Variants in CEP350 observed in about 807,000 individuals in gnomAD.
CEP350 encodes centrosome-associated protein 350.
Under a neutral mutation model 331.8 loss-of-function variants are expected in CEP350, and 126 were observed. That is an observed-to-expected ratio of 0.38 (90% CI 0.33 to 0.44). The LOEUF (loss-of-function observed/expected upper bound fraction) is 0.44, where lower values mean the gene tolerates loss of function less well. Ranked by LOEUF, CEP350 falls within the 20% of genes least tolerant of loss-of-function variation. The pLI is 1.00. For synonymous variants in CEP350, 1,200 were observed against 1,259.5 expected, an observed-to-expected ratio of 0.95 and a Z score of 1.00; for missense variants, 3,406 against 3,634.6, an observed-to-expected ratio of 0.94 and a Z score of 1.62.
chr1:179,969,889 A>G (rs1355530614), intron 1 of CEP350, among the ~76,000 whole-genome samples: 1 of 152,210 alleles, frequency 6.6e-6, no homozygotes, highest in Non-Finnish European at 1.5e-5. Context: ...CTTATGTATA[A>G]GGGAAAATTT....
chr1:180,001,701 G>A (rs541787816), intron 6 of CEP350, among the ~76,000 whole-genome samples: 94 of 152,284 alleles, frequency 6.2e-4, no homozygotes, highest in African/African-American at 2.2e-3. Flanking sequence ...CCGTATAAAC[G>A]GCAGCTTGCC....
chr1:180,052,381 TAAG>T (rs774013648), intron 22 of CEP350: 3 of 349,248 alleles, frequency 8.6e-6, no homozygotes, highest in African/African-American at 4.4e-5. Flanking sequence ...ATAAAATAAA[TAAG>T]AGCTCTTTGT....
chr1:180,053,283 T>C (rs987655347), intron 23 of CEP350, 117 bp downstream of exon 23: 27 of 529,840 alleles, frequency 5.1e-5, no homozygotes, highest in East Asian at 4.9e-4. Flanking sequence ...TTCTAAGATA[T>C]CAGTTTTATT....
chr1:180,057,099 CTT>C (rs1184545742), intron 25 of CEP350, among the ~76,000 whole-genome samples: 41 of 137,584 alleles, frequency 3.0e-4, no homozygotes, highest in African/African-American at 5.3e-4. Context: ...ACTTTTCTTT[CTT>C]TTTTTTTTTT....
rs71118426 is a variant in CEP350, at chr1:180,007,839, CGTGTGTGT to C, written c.1246+1305_1246+1312del. Among the ~76,000 whole-genome samples the C allele has an allele frequency of 5.6e-3, 787 of 140,996 alleles. 9 individuals are homozygous for C. Among genetic ancestry groups the C allele is most frequent in the African/African-American group, 0.015 (589 of 38,326 alleles). The allele number at this position is 140,996 out of a possible 152,430, so 92.5% of individuals were successfully genotyped here. On this transcript the variant is annotated intron_variant, in intron 8 of 37. Transcript: ENST00000367607. The stretch of plus-strand genomic sequence containing the variant: ...TAAAAAATTAATACATTTTATGTAT[CGTGTGTGT>C]GTGTGTGTGTGTGTGTGTGTGTGTG...
chr1:179,965,647 T>TCTTA (rs1191596406), intron 1 of CEP350, among the ~76,000 whole-genome samples: 1 of 123,284 alleles, frequency 8.1e-6, no homozygotes, highest in African/African-American at 3.0e-5. Flanking sequence ...TGAGATAGAG[T>TCTTA]CTTACTCTTG....
intron 25 of CEP350, among the ~76,000 whole-genome samples, chr1:180,061,074 G>A (rs1158453594): frequency 6.6e-6 from 1 of 152,144 alleles, no homozygotes; most frequent in Admixed American, 6.5e-5. Context: ...AAATGTAGAT[G>A]TTTATAAAGC....
chr1:180,066,577 A>G (rs974995893), intron 27 of CEP350, among the ~76,000 whole-genome samples: 1 of 152,224 alleles, frequency 6.6e-6, no homozygotes, highest in Non-Finnish European at 1.5e-5. Flanking sequence ...TTCATAACTT[A>G]AAAATACCTA....
chr1:180,022,682 T>C lies in CEP350; in HGVS notation c.3236-16T>C. 6.2e-7 allele frequency: 1 copy of C among 1,603,144 alleles called. No individual in the cohort carries two copies. Among genetic ancestry groups the C allele is most frequent in the Non-Finnish European group, 8.5e-7 (1 of 1,175,388 alleles). On this transcript the variant is annotated splice_polypyrimidine_tract_variant and intron_variant, in intron 12 of 37. Coordinates refer to ENST00000367607, the MANE Select transcript of CEP350 (RefSeq NM_014810.5). The stretch of plus-strand genomic sequence containing the variant: ...ATTTTCGTTTTTAACCATGTTTCAA[T>C]TATTACTTTTGTCAGGGTTTGAAGA...
rs866359249 is a variant in CEP350 at position 180,090,748 on chromosome 1, G to T, written c.6460G>T (p.Glu2154Ter). ...GGCAAAGAATTGGAAATCACTAACA[G>T]AGTCAGAACGTTCCAGAGGATCCCT... ...ETAKNWKSLTESERSRGSLES... is the reference protein window; with the variant it reads ...ETAKNWKSLT Residue 2154 changes from glutamate (E) to a stop codon, truncating the protein, a stop_gained, in exon 33 of 38, where the codon GAG becomes TAG. Coordinates refer to ENST00000367607, the MANE Select transcript of CEP350 (RefSeq NM_014810.5). LOFTEE classifies it high-confidence loss of function. The T allele has an allele frequency of 6.4e-7, 1 of 1,553,474 alleles. No individual in the cohort carries two copies. Among genetic ancestry groups the T allele is most frequent in the Non-Finnish European group, 8.7e-7 (1 of 1,147,792 alleles).
rs1660285619 is a variant in CEP350, at chr1:180,092,967, G to T, written c.6862G>T (p.Val2288Phe). ...EGKSDVLLKL[V>F]LEQGDSSEIL... ...TAAATCTGATGTCTTACTGAAATTA[G>T]TCCTAGAACAGGGAGATTCATCTGA... Residue 2288 changes from valine to phenylalanine, a missense_variant, in exon 34 of 38, where the codon GTC becomes TTC. Val to Phe is a conservative substitution (Grantham distance 50, BLOSUM62 -1). Transcript: ENST00000367607. 1.9e-6 allele frequency: 3 copies of T among 1,598,768 alleles called. No homozygotes were observed. Among genetic ancestry groups the T allele is most frequent in the South Asian group, 2.3e-5 (2 of 88,764 alleles).
chr1:180,043,730 TA>T (rs1656917994), intron 20 of CEP350, among the ~76,000 whole-genome samples: 1 of 151,908 alleles, frequency 6.6e-6, no homozygotes, highest in Non-Finnish European at 1.5e-5. Context: ...ATGAAGTCAT[TA>T]AAGAGATTAT....
rs1490698364 is a variant in CEP350 at position 180,020,146 on chromosome 1, C to G, written c.2372C>G (p.Pro791Arg). Reference sequence around the variant, plus strand: ...AAGAATCATAATATGGCTTCAAGGCCATTAACTTTTACACCTCAACCATAT... The same window carrying G: ...AAGAATCATAATATGGCTTCAAGGCGATTAACTTTTACACCTCAACCATAT... Reference protein sequence around the residue: ...TRKNHNMASRPLTFTPQPYVT... With the variant: ...TRKNHNMASRRLTFTPQPYVT... Residue 791 changes from proline (P) to arginine (R), a missense_variant, in exon 12 of 38, where the codon CCA becomes CGA. This residue lies in a region of CEP350 where 1,857 missense variants were observed against 1,909.2 expected (regional missense o/e 0.97). Transcript: ENST00000367607. The G allele has an allele frequency of 6.2e-7, 1 of 1,613,874 alleles. No individual in the cohort carries two copies. Among genetic ancestry groups the G allele is most frequent in the African/African-American group, 1.3e-5 (1 of 74,920 alleles).
intron 1 of CEP350, among the ~76,000 whole-genome samples, chr1:179,982,060 G>GA (rs1407768050): frequency 6.6e-6 from 1 of 152,128 alleles, no homozygotes; most frequent in East Asian, 1.9e-4. Context: ...CATGTTATCT[G>GA]AAAATCCTTT....
At chr1:180,092,574 AT>A (rs1660262294) in intron 33 of CEP350, 39 bp from the exon 34 acceptor site, 2 of 1,408,112 alleles carry the variant, frequency 1.4e-6, no homozygotes, top group African/African-American at 2.9e-5. Flanking sequence ...AAAGATAGTG[AT>A]TAAATAATTT....
chr1:180,087,249 A>T (rs1659921551), intron 31 of CEP350: 1 of 167,292 alleles, frequency 6.0e-6, no homozygotes, highest in Admixed American at 6.2e-5. Flanking sequence ...GTAATAGTAC[A>T]CTCTTTAGAG....
chr1:180,039,634 T>C lies in CEP350; in HGVS notation c.4111-1504T>C, dbSNP rs1656625554. 2.0e-5 allele frequency among the ~76,000 whole-genome samples: 3 copies of C among 152,202 alleles called. No homozygotes were observed. In the South Asian group the frequency reaches 6.2e-4, roughly 31 times the overall value. On this transcript the variant is annotated intron_variant, in intron 17 of 37. Transcript: ENST00000367607. ...CATTAATCTATTCATCTATCTGTAA[T>C]GTCAGTACCATATTGTCTTTATTAC... is the stretch of plus-strand genomic sequence containing the variant.
At chr1:180,009,781 G>T (rs1330401567) in intron 8 of CEP350, among the ~76,000 whole-genome samples, 1 of 151,988 alleles carries the variant, frequency 6.6e-6, no homozygotes, top group Non-Finnish European at 1.5e-5. Flanking sequence ...AAATATTTTA[G>T]GTCAACTGTA....
chr1:179,969,389 C>T (rs1651262418), intron 1 of CEP350: 3 of 513,838 alleles, frequency 5.8e-6, no homozygotes, highest in African/African-American at 1.9e-5. Context: ...TGAGGGCGTG[C>T]GGGTGCCCTC....
Sources: gnomAD v4.1 joint callset for allele counts (sites outside exome capture counted in the v4.1 genomes callset) on GRCh38, gnomAD v4.1.1 for gene constraint, gnomAD v4.1.1 regional missense constraint, MANE v1.5 for transcripts, NCBI Gene and HGNC (gene_info 2026-07-23, HGNC 2026-07-21) for gene names.